Variants in DTD1 observed in about 807,000 individuals in gnomAD.
DTD1 encodes the protein D-tyrosyl-tRNA deacylase 1 homolog.
DTD1 carries 13 observed loss-of-function variants against 25.6 expected under a neutral mutation model. The observed-to-expected ratio is 0.51, with a 90% CI of 0.33 to 0.81. The LOEUF (loss-of-function observed/expected upper bound fraction) is 0.81, where lower values mean the gene tolerates loss of function less well. Among genes scored for constraint, DTD1 ranks in the 30% least tolerant of loss-of-function variants. The pLI, the probability that DTD1 is intolerant of heterozygous loss-of-function variation, is 0.02. For synonymous variants in DTD1, 110 were observed against 103.6 expected (o/e 1.06, Z -0.37); for missense variants, 193 against 266.4 (o/e 0.72, Z 1.92).
intron 4 of DTD1, among the ~76,000 whole-genome samples, chr20:18,742,713 A>G (rs1159485125): frequency 6.6e-6 from 1 of 152,180 alleles, no homozygotes; most frequent in Non-Finnish European, 1.5e-5. Flanking sequence ...GGGGACCACT[A>G]CTATAAGTCA....
At chr20:18,706,166 G>A (rs1292903095) in intron 4 of DTD1, among the ~76,000 whole-genome samples, 1 of 152,114 alleles carries the variant, frequency 6.6e-6, no homozygotes, top group African/African-American at 2.4e-5. Flanking sequence ...GGGAATCCTG[G>A]GGTCATTACT....
chr20:18,730,282 T>C (rs774267093), intron 4 of DTD1, among the ~76,000 whole-genome samples: 4 of 152,216 alleles, frequency 2.6e-5, no homozygotes, highest in Non-Finnish European at 5.9e-5. Context: ...TGCATGTATC[T>C]TTGTGCTTAA....
chr20:18,610,885 C>T (rs2060684032), intron 3 of DTD1, among the ~76,000 whole-genome samples: 1 of 74,764 alleles, frequency 1.3e-5, no homozygotes, highest in South Asian at 5.7e-4. Flanking sequence ...GCACTCCAGC[C>T]TGGGTGACAG....
At chr20:18,641,510 T>C (rs2060828029) in intron 4 of DTD1, among the ~76,000 whole-genome samples, 1 of 152,078 alleles carries the variant, frequency 6.6e-6, no homozygotes. Context: ...TTTGCTGTTT[T>C]GTATGTGTGT....
intron 3 of DTD1, among the ~76,000 whole-genome samples, chr20:18,618,518 C>T (rs1415398211): frequency 6.7e-6 from 1 of 149,708 alleles, no homozygotes; most frequent in Admixed American, 6.7e-5. Flanking sequence ...CCATTCCCAG[C>T]TAATATAGAT....
intron 4 of DTD1, chr20:18,698,813 G>T (rs570730676): frequency 6.6e-6 from 1 of 152,222 alleles, no homozygotes; most frequent in Non-Finnish European, 1.5e-5. Flanking sequence ...AGGAACATTT[G>T]ATTTTCTTTC....
chr20:18,597,479 C>T (rs1244604166), intron 3 of DTD1, among the ~76,000 whole-genome samples: 1 of 151,988 alleles, frequency 6.6e-6, no homozygotes, highest in African/African-American at 2.4e-5. Flanking sequence ...CACTTTTGTC[C>T]CACTTAAAAG....
Position 18,631,712 on chromosome 20 carries a change from CTGGGTTTT to C in DTD1, c.477+3482_477+3489del, listed in dbSNP as rs1279074591. ...CTTGTTTCCCAGGACGTCATTCTCT[CTGGGTTTT>C]TGTCTTGCCTCTGGCTACTCCCTCT... On this transcript the variant is annotated intron_variant, in intron 4 of 5. Coordinates refer to ENST00000377452, the MANE Select transcript of DTD1 (RefSeq NM_080820.6). 31 of 985,432 alleles carry C rather than the reference CTGGGTTTT, an allele frequency of 3.1e-5. No homozygotes were observed. In the South Asian group the frequency reaches 1.1e-3, roughly 36 times the overall value. The allele number at this position is 985,432 out of a possible 1,614,324, so 61.0% of individuals were successfully genotyped here. A position where few individuals can be genotyped will look rare whatever the true frequency, so the allele number is the denominator to read the frequency against.
chr20:18,624,225 A>G (rs1160086364), intron 3 of DTD1, among the ~76,000 whole-genome samples: 2 of 152,148 alleles, frequency 1.3e-5, no homozygotes, highest in Non-Finnish European at 2.9e-5. Flanking sequence ...GTGTCCAGCC[A>G]CAGTGCCCAG....
chr20:18,735,751 C>T (rs1181425793), intron 4 of DTD1, among the ~76,000 whole-genome samples: 1 of 152,102 alleles, frequency 6.6e-6, no homozygotes, highest in African/African-American at 2.4e-5. Flanking sequence ...TGGGACTTAT[C>T]ACAAAAGTAA....
At chr20:18,742,104 T>C (rs1396020920) in intron 4 of DTD1, among the ~76,000 whole-genome samples, 1 of 152,058 alleles carries the variant, frequency 6.6e-6, no homozygotes, top group Non-Finnish European at 1.5e-5. Flanking sequence ...CAGACCACAT[T>C]ACACGTATCT....
At chr20:18,699,491 T>C (rs1443511729) in intron 4 of DTD1, among the ~76,000 whole-genome samples, 5 of 152,180 alleles carry the variant, frequency 3.3e-5, no homozygotes, top group Non-Finnish European at 7.4e-5. Flanking sequence ...AGGACAGTCA[T>C]GGGGAGGTCC....
intron 4 of DTD1, among the ~76,000 whole-genome samples, chr20:18,719,539 A>T (rs1222157669): frequency 6.6e-6 from 1 of 152,186 alleles, no homozygotes; most frequent in Non-Finnish European, 1.5e-5. Context: ...GATTTTGAGG[A>T]CCCAAGTTGT....
intron 4 of DTD1, among the ~76,000 whole-genome samples, chr20:18,704,681 A>G (rs1600380731): frequency 6.6e-6 from 1 of 152,252 alleles, no homozygotes; most frequent in East Asian, 1.9e-4. Flanking sequence ...AGGACATGCT[A>G]CCTACCAGCT....
intron 4 of DTD1, among the ~76,000 whole-genome samples, chr20:18,721,616 A>G (rs2061203857): frequency 6.6e-6 from 1 of 152,190 alleles, no homozygotes; most frequent in African/African-American, 2.4e-5. Flanking sequence ...CTTTAGAAGA[A>G]CATATCTGAT....
intron 5 of DTD1, among the ~76,000 whole-genome samples, chr20:18,748,135 A>G (rs1443915273): frequency 1.3e-5 from 2 of 152,092 alleles, no homozygotes; most frequent in Non-Finnish European, 2.9e-5. Context: ...TCTCCCAGCA[A>G]CCAGACCCAG....
chr20:18,658,156 G>T (rs998395629), intron 4 of DTD1, among the ~76,000 whole-genome samples: 3 of 151,444 alleles, frequency 2.0e-5, no homozygotes, highest in African/African-American at 7.3e-5. Flanking sequence ...TCTGGGGGAA[G>T]AACATTCTAG....
chr20:18,735,150 A>G (rs1052986437), intron 4 of DTD1, among the ~76,000 whole-genome samples: 1 of 152,266 alleles, frequency 6.6e-6, no homozygotes, highest in Non-Finnish European at 1.5e-5. Context: ...ATTATGATCT[A>G]TAAAAATCAT....
At chr20:18,651,472 T>C (rs2122355111) in intron 4 of DTD1, among the ~76,000 whole-genome samples, 1 of 152,344 alleles carries the variant, frequency 6.6e-6, no homozygotes, top group African/African-American at 2.4e-5. Context: ...GTTTTAAAAA[T>C]TGTTGGTACA....
Sources: gnomAD v4.1 joint callset for allele counts (sites outside exome capture counted in the v4.1 genomes callset) on GRCh38, gnomAD v4.1.1 for gene constraint, MANE v1.5 for transcripts, NCBI Gene and HGNC (gene_info 2026-07-23, HGNC 2026-07-21) for gene names.